Variants in PARD3 observed in about 807,000 individuals in gnomAD.
PARD3 encodes the protein par-3 family cell polarity regulator, also known as partitioning defective 3 homolog.
A neutral mutation model predicts 155.4 loss-of-function variants in PARD3; 75 were observed. The observed-to-expected ratio is 0.48, with a 90% CI of 0.40 to 0.58. The LOEUF (loss-of-function observed/expected upper bound fraction) is 0.58. Among genes scored for constraint, PARD3 ranks in the 20% least tolerant of loss-of-function variants. The probability of loss-of-function intolerance (pLI) is 0.00; values close to 1 mark genes in which losing one functional copy is unlikely to be tolerated. For missense variants in PARD3, 1,642 were observed against 1,721.7 expected (o/e 0.95, Z 0.82); for synonymous variants, 576 against 610.5 (o/e 0.94, Z 0.83).
chr10:34,247,286 G>A, intron 22 of PARD3, among the ~76,000 whole-genome samples: 1 of 152,202 alleles, frequency 6.6e-6, no homozygotes, highest in East Asian at 1.9e-4. Context: ...TGGATCACCT[G>A]AGGTCAGGAG....
At chr10:34,272,722 A>T (rs538173299) in intron 21 of PARD3, among the ~76,000 whole-genome samples, 6 of 152,152 alleles carry the variant, frequency 3.9e-5, no homozygotes, top group Non-Finnish European at 5.9e-5. Context: ...CAAGATCCTG[A>T]CTCAAACAAA....
At chr10:34,529,425 A>G (rs543975598) in intron 2 of PARD3, among the ~76,000 whole-genome samples, 12 of 152,328 alleles carry the variant, frequency 7.9e-5, no homozygotes, top group Admixed American at 4.6e-4. Context: ...CAACACCACA[A>G]GGAGGCCCAT....
intron 21 of PARD3, among the ~76,000 whole-genome samples, chr10:34,283,108 C>T (rs1346449819): frequency 6.6e-6 from 1 of 152,044 alleles, no homozygotes; most frequent in African/African-American, 2.4e-5. Flanking sequence ...AAACACTAAT[C>T]TCTTTTAAAT....
intron 1 of PARD3, among the ~76,000 whole-genome samples, chr10:34,707,239 T>C (rs2094378885): frequency 6.7e-6 from 1 of 148,618 alleles, no homozygotes; most frequent in South Asian, 2.1e-4. Flanking sequence ...AGTGAGACCC[T>C]GTCTCAAAAA....
intron 4 of PARD3, among the ~76,000 whole-genome samples, chr10:34,466,594 G>T (rs1346060399): frequency 6.6e-6 from 1 of 151,940 alleles, no homozygotes; most frequent in Admixed American, 6.6e-5. Flanking sequence ...TAAATCAGAG[G>T]GCTATGAATG....
At chr10:34,805,309 ACT>A (rs1314094258) in intron 1 of PARD3, among the ~76,000 whole-genome samples, 2 of 152,096 alleles carry the variant, frequency 1.3e-5, no homozygotes, top group African/African-American at 4.8e-5. Context: ...GTGAGCCGAG[ACT>A]CTGCCACTGC....
intron 1 of PARD3, among the ~76,000 whole-genome samples, chr10:34,765,742 C>T (rs981442494): frequency 2.0e-5 from 3 of 152,036 alleles, no homozygotes; most frequent in Admixed American, 2.0e-4. Context: ...TCGTTAAGCG[C>T]TTATTTCTCA....
At chr10:34,256,429 G>T (rs1459310349) in intron 22 of PARD3, among the ~76,000 whole-genome samples, 1 of 152,204 alleles carries the variant, frequency 6.6e-6, no homozygotes, top group South Asian at 2.1e-4. Context: ...GGCCTCTCTC[G>T]GAGACAATCA....
chr10:34,252,059 TA>T (rs540789564), intron 22 of PARD3, among the ~76,000 whole-genome samples: 182 of 152,256 alleles, frequency 1.2e-3, no homozygotes, highest in Non-Finnish European at 1.8e-3. Flanking sequence ...TGCCGCATCA[TA>T]ATGCCATAAG....
At chr10:34,472,541 A>G (rs961289858) in intron 3 of PARD3, among the ~76,000 whole-genome samples, 3 of 152,296 alleles carry the variant, frequency 2.0e-5, no homozygotes, top group Admixed American at 2.0e-4. Context: ...CTTTTAGACA[A>G]TGTTATTACT....
chr10:34,665,830 G>A (rs1465685457), intron 2 of PARD3, among the ~76,000 whole-genome samples: 3 of 121,856 alleles, frequency 2.5e-5, no homozygotes, highest in Non-Finnish European at 3.6e-5. Context: ...TTGAGACTTC[G>A]TCTCAATTAA....
At chr10:34,757,214 C>T (rs1282382630) in intron 1 of PARD3, among the ~76,000 whole-genome samples, 1 of 152,198 alleles carries the variant, frequency 6.6e-6, no homozygotes, top group African/African-American at 2.4e-5. Flanking sequence ...GAGGTTCAAA[C>T]ACAGTGATCA....
At chr10:34,359,126 G>A (rs747555905) in intron 14 of PARD3, 21 bp downstream of exon 14, 1 of 1,593,262 alleles carries the variant, frequency 6.3e-7, no homozygotes, top group South Asian at 1.1e-5. Context: ...TTAGATACTA[G>A]CACTTTTTTG....
intron 3 of PARD3, among the ~76,000 whole-genome samples, chr10:34,479,929 G>A (rs142157989): frequency 5.9e-5 from 9 of 152,328 alleles, no homozygotes; most frequent in African/African-American, 2.4e-5. Context: ...AAAGGGTATA[G>A]TGCCCTCTGC....
At chr10:34,704,148 T>C (rs1418916300) in intron 1 of PARD3, among the ~76,000 whole-genome samples, 1 of 152,160 alleles carries the variant, frequency 6.6e-6, no homozygotes, top group African/African-American at 2.4e-5. Context: ...CTCTTCAAAA[T>C]GGCACTGAAA....
chr10:34,639,620 G>A (rs1485147069), intron 2 of PARD3, among the ~76,000 whole-genome samples: 1 of 152,164 alleles, frequency 6.6e-6, no homozygotes, highest in Non-Finnish European at 1.5e-5. Flanking sequence ...CACTTTGCGA[G>A]GCCAAAGCAG....
intron 5 of PARD3, among the ~76,000 whole-genome samples, chr10:34,438,619 C>T (rs1445373293): frequency 6.6e-6 from 1 of 151,962 alleles, no homozygotes; most frequent in Non-Finnish European, 1.5e-5. Context: ...TATTGAAAGA[C>T]TATTTACCCA....
rs374570354 is a variant in PARD3 at position 34,549,485 on chromosome 10, T to TTTTG, written c.223-32330_223-32327dup. ...ACACAAGGTAAGAATGGGATCTGGT[T>TTTTG]TTTGTTTGTTTGTTTGTTTGTTTTG... On this transcript the variant is annotated intron_variant, in intron 2 of 24. Transcript: ENST00000374788. Among the ~76,000 whole-genome samples the TTTTG allele has an allele frequency of 7.5e-3, 1,134 of 152,156 alleles. 7 individuals carry two copies. The highest frequency in any genetic ancestry group is 0.024 in the African/African-American group (1,012 of 41,512).
chr10:34,125,374 T>C (rs1947230827), intron 23 of PARD3, among the ~76,000 whole-genome samples: 1 of 152,198 alleles, frequency 6.6e-6, no homozygotes, highest in African/African-American at 2.4e-5. Context: ...CCTCCAGGTC[T>C]ATTTCTATGC....
Sources: gnomAD v4.1 joint callset for allele counts (sites outside exome capture counted in the v4.1 genomes callset) on GRCh38, gnomAD v4.1.1 for gene constraint, MANE v1.5 for transcripts, NCBI Gene and HGNC (gene_info 2026-07-23, HGNC 2026-07-21) for gene names.